Variants in FAM47E observed in about 807,000 individuals in gnomAD.
The protein encoded by FAM47E is family with sequence similarity 47 member E.
FAM47E carries 32 observed loss-of-function variants against 41.6 expected under a neutral mutation model. The ratio of observed to expected loss-of-function variants is 0.77; its 90% CI spans 0.58 to 1.03. FAM47E has a LOEUF of 1.03. Ranked by LOEUF, FAM47E falls within the 50% of genes least tolerant of loss-of-function variation. FAM47E has a pLI of 0.00. For synonymous variants in FAM47E, 184 were observed against 188.7 expected (o/e 0.98, Z 0.20); for missense variants, 424 against 485.4 (o/e 0.87, Z 1.19).
chr4:76,245,915 A>T (rs1391762663), intron 2 of FAM47E, among the ~76,000 whole-genome samples: 1 of 152,138 alleles, frequency 6.6e-6, no homozygotes, highest in East Asian at 1.9e-4. Context: ...TGTCAATTTT[A>T]TCTGTAATCC....
At chr4:76,227,531 G>A (rs114573723) in intron 2 of FAM47E, among the ~76,000 whole-genome samples, 1 of 152,144 alleles carries the variant, frequency 6.6e-6, no homozygotes, top group Non-Finnish European at 1.5e-5. Flanking sequence ...TGGGTATAAT[G>A]TTCTGTAAAT....
intron 2 of FAM47E, among the ~76,000 whole-genome samples, chr4:76,232,346 A>G (rs539017661): frequency 2.7e-4 from 41 of 152,318 alleles, no homozygotes; most frequent in African/African-American, 9.6e-4. Flanking sequence ...CAATGTCACA[A>G]TCTCCAAAGT....
chr4:76,259,869 C>G (rs1479920124), intron 2 of FAM47E, among the ~76,000 whole-genome samples: 1 of 152,060 alleles, frequency 6.6e-6, no homozygotes, highest in Non-Finnish European at 1.5e-5. Flanking sequence ...AGTAAAGTTT[C>G]AGAATATGAA....
intron 2 of FAM47E, among the ~76,000 whole-genome samples, chr4:76,242,413 C>T (rs1733730831): frequency 6.6e-6 from 1 of 152,150 alleles, no homozygotes; most frequent in Non-Finnish European, 1.5e-5. Context: ...GAGGCCCTTA[C>T]CAGAAGTAGT....
At chr4:76,218,720 C>G (rs1263300363) in intron 2 of FAM47E, among the ~76,000 whole-genome samples, 1 of 152,206 alleles carries the variant, frequency 6.6e-6, no homozygotes, top group Non-Finnish European at 1.5e-5. Context: ...ATCCTATTCA[C>G]CTTTTTCTCT....
intron 5 of FAM47E, 44 bp downstream of exon 5, chr4:76,271,812 G>A (rs1483035039): frequency 2.6e-6 from 4 of 1,535,256 alleles, no homozygotes; most frequent in South Asian, 1.2e-5. Flanking sequence ...AGAAAATTAA[G>A]TTGTATTGAA....
chr4:76,283,338 T>G, intron 7 of FAM47E, 43 bp from the exon 8 acceptor site: 1 of 1,251,766 alleles, frequency 8.0e-7, no homozygotes, highest in Non-Finnish European at 1.1e-6. Flanking sequence ...ACTGTGCAAG[T>G]TTTGTTTGCC....
At chr4:76,235,910 GGGACACCAA>G (rs2109988513) in intron 2 of FAM47E, among the ~76,000 whole-genome samples, 1 of 152,310 alleles carries the variant, frequency 6.6e-6, no homozygotes, top group Admixed American at 6.5e-5. Flanking sequence ...TTTAGCAGAT[GGGACACCAA>G]GGCACAGAGA....
chr4:76,280,344 G>C lies in FAM47E; in HGVS notation c.1104+3G>C. ...GCAGGGGCTACAGGACGCCACGTGT[G>C]AGTAAAGGGTCCTTTCAGAAGGCCC... On this transcript the variant is annotated splice_donor_region_variant and intron_variant, in intron 7 of 7. Coordinates refer to ENST00000424749, the MANE Select transcript of FAM47E (RefSeq NM_001136570.3). 6.6e-7 allele frequency: 1 copy of C among 1,518,674 alleles called. No individual in the cohort carries two copies. The highest frequency in any genetic ancestry group is 8.9e-7 in the Non-Finnish European group (1 of 1,118,836). The allele number at this position is 1,518,674 out of a possible 1,614,324, so 94.1% of individuals were successfully genotyped here. A position where few individuals can be genotyped will look rare whatever the true frequency, so the allele number is the denominator to read the frequency against.
rs1226637394 is a variant in FAM47E at position 76,214,197 on chromosome 4, T to TAG, written c.-257_-256insAG. The TAG allele has an allele frequency of 7.9e-4, 361 of 454,126 alleles. 2 individuals carry two copies. Among genetic ancestry groups the TAG allele is most frequent in the Non-Finnish European group, 1.0e-3 (235 of 226,802 alleles). The allele number at this position is 454,126 out of a possible 1,614,324, so 28.1% of individuals were successfully genotyped here. A position where few individuals can be genotyped will look rare whatever the true frequency, so the allele number is the denominator to read the frequency against. On this transcript the variant is annotated 5_prime_UTR_variant, in exon 1 of 8. Transcript: ENST00000510197. ...GGACATTCCCCTGCTCTAGAGGCGC[T>TAG]CGCAAGTTAGCGGGGACACCGTTAC...
chr4:76,218,420 T>C (rs897832546), intron 2 of FAM47E, among the ~76,000 whole-genome samples: 2 of 152,218 alleles, frequency 1.3e-5, no homozygotes, highest in African/African-American at 4.8e-5. Context: ...GGAGAGCTCA[T>C]ATACCATTTA....
At chr4:76,261,573 A>G (rs2869866) in intron 2 of FAM47E, among the ~76,000 whole-genome samples, 85,422 of 151,992 alleles carry the variant, frequency 0.56, 24,632 homozygotes, top group Middle Eastern at 0.65. Flanking sequence ...ACTCAGAATC[A>G]GAAAATCAAA....
intron 2 of FAM47E, among the ~76,000 whole-genome samples, chr4:76,240,937 TTGAA>T (rs1430930483): frequency 6.6e-6 from 1 of 152,174 alleles, no homozygotes; most frequent in Non-Finnish European, 1.5e-5. Flanking sequence ...ATTTTTTCCT[TTGAA>T]TGGGCCATAT....
chr4:76,277,414 AGGCGGAGCTTGCAGTG>A, intron 5 of FAM47E, among the ~76,000 whole-genome samples: 2 of 151,980 alleles, frequency 1.3e-5, no homozygotes, highest in Non-Finnish European at 2.9e-5. Flanking sequence ...TGAACCTGCG[AGGCGGAGCTTGCAGTG>A]AGCCGAGATC....
At chr4:76,251,599 G>C (rs1733964426), upstream of FAM47E, 5 of 1,339,318 alleles carry the variant, frequency 3.7e-6, no homozygotes, top group East Asian at 1.2e-4. Flanking sequence ...GTCGGAGAAG[G>C]GGTTGGACCG....
intron 2 of FAM47E, among the ~76,000 whole-genome samples, chr4:76,263,432 T>C (rs1188718921): frequency 1.3e-5 from 2 of 152,198 alleles, no homozygotes; most frequent in African/African-American, 4.8e-5. Context: ...ATTATAGTTT[T>C]GGGATTTTAA....
chr4:76,252,004 G>A (rs2110000149), intron 1 of FAM47E, among the ~76,000 whole-genome samples, 184 bp downstream of exon 1: 1 of 152,200 alleles, frequency 6.6e-6, no homozygotes. Context: ...TCTTTGCAAA[G>A]GATTTTTCCT....
intron 2 of FAM47E, among the ~76,000 whole-genome samples, chr4:76,241,634 G>A (rs1480756069): frequency 1.3e-5 from 2 of 152,142 alleles, no homozygotes; most frequent in Non-Finnish European, 2.9e-5. Flanking sequence ...CCTAGAAGTT[G>A]CTAGCTTTCA....
chr4:76,256,300 T>C lies in FAM47E; in HGVS notation c.197T>C (p.Val66Ala). The stretch of plus-strand genomic sequence containing the variant: ...GGCTGCCCGCCTTGCACTGGTCTGG[T>C]GACTCAGGTCCCTGTGGAGGGCTTT... ...RKGCPPCTGL[V>A]TQVPVEGFLP... The change falls in exon 2 of 8, where the codon GTG (valine) becomes GCG (alanine). Residue 66 changes from valine to alanine, a missense_variant. Val to Ala is a moderately conservative substitution (Grantham distance 64). Coordinates refer to ENST00000424749, the MANE Select transcript of FAM47E (RefSeq NM_001136570.3). The C allele has an allele frequency of 6.4e-7, 1 of 1,551,680 alleles. No individual in the cohort carries two copies. The highest frequency in any genetic ancestry group is 8.7e-7 in the Non-Finnish European group (1 of 1,146,994).
Sources: gnomAD v4.1 joint callset for allele counts (sites outside exome capture counted in the v4.1 genomes callset) on GRCh38, gnomAD v4.1.1 for gene constraint, MANE v1.5 for transcripts, NCBI Gene and HGNC (gene_info 2026-07-23, HGNC 2026-07-21) for gene names.